Variants in GPBP1L1 observed in about 807,000 individuals in gnomAD.
GPBP1L1 encodes the protein GC-rich promoter binding protein 1 like 1, also known as vasculin-like protein 1.
GPBP1L1 carries 23 observed loss-of-function variants against 52.5 expected under a neutral mutation model. The observed-to-expected ratio is 0.44, with a 90% CI of 0.32 to 0.62. The LOEUF (loss-of-function observed/expected upper bound fraction) is 0.62. GPBP1L1 is among the 20% of genes least tolerant of loss of function. The probability of loss-of-function intolerance (pLI) is 0.06; values close to 1 mark genes in which losing one functional copy is unlikely to be tolerated. For synonymous variants in GPBP1L1, 243 were observed against 203.1 expected, an observed-to-expected ratio of 1.20 and a Z score of -1.67; for missense variants, 596 against 579.3, an observed-to-expected ratio of 1.03 and a Z score of -0.30.
intron 2 of GPBP1L1, among the ~76,000 whole-genome samples, chr1:45,685,321 A>T (rs948894280): frequency 1.1e-4 from 16 of 152,256 alleles, no homozygotes; most frequent in African/African-American, 3.9e-4. Flanking sequence ...GATAAGATTT[A>T]CACAAGAACA....
intron 12 of GPBP1L1, 38 bp from the exon 13 acceptor site, chr1:45,628,446 A>G (rs780004463): frequency 2.5e-6 from 4 of 1,602,466 alleles, no homozygotes; most frequent in Non-Finnish European, 3.4e-6. Context: ...AAAGAAAAAA[A>G]TATCAATGAC....
intron 8 of GPBP1L1, among the ~76,000 whole-genome samples, chr1:45,638,241 G>T (rs553211128): frequency 6.6e-6 from 1 of 152,130 alleles, no homozygotes; most frequent in Admixed American, 6.5e-5. Context: ...TCTTCCAACA[G>T]ACTTCCTCAT....
At chr1:45,652,306 T>G (rs534827165) in intron 6 of GPBP1L1, among the ~76,000 whole-genome samples, 20 of 152,354 alleles carry the variant, frequency 1.3e-4, no homozygotes, top group African/African-American at 4.6e-4. Context: ...AATTACAGTA[T>G]GAATTATTCA....
At chr1:45,682,327 T>TG (rs1394494426) in intron 2 of GPBP1L1, among the ~76,000 whole-genome samples, 1 of 152,176 alleles carries the variant, frequency 6.6e-6, no homozygotes, top group Non-Finnish European at 1.5e-5. Context: ...TAGCTAAACT[T>TG]AACCAAATGA....
chr1:45,636,035 A>G (rs1226266891), intron 8 of GPBP1L1, among the ~76,000 whole-genome samples: 2 of 152,174 alleles, frequency 1.3e-5, no homozygotes, highest in Admixed American at 6.5e-5. Flanking sequence ...TCACTCGTTC[A>G]TTAACTATTT....
At chr1:45,650,058 G>A (rs1189631447) in intron 6 of GPBP1L1, among the ~76,000 whole-genome samples, 2 of 152,156 alleles carry the variant, frequency 1.3e-5, no homozygotes, top group Non-Finnish European at 2.9e-5. Flanking sequence ...AGTGATAAGA[G>A]TAAACATATT....
chr1:45,650,417 T>C (rs995894969), intron 6 of GPBP1L1, among the ~76,000 whole-genome samples: 5 of 152,196 alleles, frequency 3.3e-5, no homozygotes, highest in Non-Finnish European at 5.9e-5. Context: ...GTCTATATCA[T>C]GTACTTCAAA....
intron 6 of GPBP1L1, among the ~76,000 whole-genome samples, chr1:45,644,792 C>T (rs552160851): frequency 1.2e-4 from 19 of 152,138 alleles, no homozygotes; most frequent in Non-Finnish European, 2.4e-4. Context: ...CACTGGTGCT[C>T]ATAGCCTAAA....
In GPBP1L1 at chr1:45,629,459, C is replaced by G. The variant is rs377590904; in HGVS notation, c.1272+117G>C. On this transcript the variant is annotated intron_variant, in intron 12 of 12. Transcript: ENST00000355105. ...CTACATTTCTACTAAGGTAATCCCC[C>G]CCCCCCCCACCCGATCTTTCTCTCA... 1.3e-3 allele frequency: 100 copies of G among 77,710 alleles called. 2 individuals carry two copies. Among genetic ancestry groups the G allele is most frequent in the Middle Eastern group, 0.01 (2 of 194 alleles). 4.8% of individuals were successfully genotyped at this position (77,710 alleles called of 1,614,324 possible).
chr1:45,680,165 C>T (rs536628556), intron 2 of GPBP1L1, among the ~76,000 whole-genome samples: 13 of 151,096 alleles, frequency 8.6e-5, no homozygotes, highest in African/African-American at 3.2e-4. Flanking sequence ...CTATTTGTAA[C>T]ATTTTCAAAA....
At chr1:45,633,431 C>G in intron 10 of GPBP1L1, 58 bp downstream of exon 10, 1 of 1,553,922 alleles carries the variant, frequency 6.4e-7, no homozygotes, top group South Asian at 1.1e-5. Context: ...AAGAAGAAAT[C>G]ACGTATGTAT....
intron 2 of GPBP1L1, among the ~76,000 whole-genome samples, chr1:45,668,803 T>C (rs542231762): frequency 6.6e-6 from 1 of 152,130 alleles, no homozygotes; most frequent in Non-Finnish European, 1.5e-5. Flanking sequence ...GGAGACCCTG[T>C]ATCTACAAAA....
chr1:45,673,184 T>C (rs1319131067), intron 2 of GPBP1L1, among the ~76,000 whole-genome samples: 1 of 151,956 alleles, frequency 6.6e-6, no homozygotes, highest in African/African-American at 2.4e-5. Context: ...CATGAATACA[T>C]AGGTGGGAAA....
At chr1:45,680,421 TAG>T (rs1645198483) in intron 2 of GPBP1L1, among the ~76,000 whole-genome samples, 4 of 151,992 alleles carry the variant, frequency 2.6e-5, no homozygotes, top group Admixed American at 1.3e-4. Flanking sequence ...GTATTTTTAG[TAG>T]AGACAGGGTT....
chr1:45,628,333 T>G lies in GPBP1L1; in HGVS notation c.1348A>C (p.Thr450Pro). Residue 450 changes from threonine (T) to proline (P), a missense_variant, in exon 13 of 13, where the codon ACT becomes CCT. By Grantham distance (38) the Thr-to-Pro change is conservative. Coordinates refer to ENST00000355105, the MANE Select transcript of GPBP1L1 (RefSeq NM_021639.5). ...SSSLFSPWRSTCKAEFEDSDT... is the reference protein window; with the variant it reads ...SSSLFSPWRSPCKAEFEDSDT... ...GAGTCCTCAAACTCTGCTTTGCAAG[T>G]GCTTCTCCAAGGGGAGAACAGACTG... The G allele has an allele frequency of 6.2e-7, 1 of 1,614,130 alleles. No individual in the cohort carries two copies. The highest frequency in any genetic ancestry group is 8.5e-7 in the Non-Finnish European group (1 of 1,179,982).
intron 2 of GPBP1L1, among the ~76,000 whole-genome samples, chr1:45,681,023 A>G (rs954887062): frequency 1.4e-4 from 21 of 152,184 alleles, no homozygotes; most frequent in African/African-American, 4.6e-4. Flanking sequence ...GCTCAATTTT[A>G]TAACAGAATA....
intron 2 of GPBP1L1, among the ~76,000 whole-genome samples, chr1:45,677,341 G>T: frequency 8.5e-6 from 1 of 117,544 alleles, no homozygotes; most frequent in East Asian, 2.4e-4. Context: ...TTCGTCTCAG[G>T]AAAAAAAAAA....
intron 2 of GPBP1L1, among the ~76,000 whole-genome samples, chr1:45,682,498 T>TG (rs2148524032): frequency 6.6e-6 from 1 of 152,340 alleles, no homozygotes; most frequent in African/African-American, 2.4e-5. Flanking sequence ...TTAATGACTT[T>TG]GTTAAAATCA....
chr1:45,655,430 A>AAACTCATAT, intron 4 of GPBP1L1, 111 bp from the exon 5 acceptor site: 1 of 1,229,232 alleles, frequency 8.1e-7, no homozygotes, highest in Non-Finnish European at 1.2e-6. Context: ...ATGGTGATAG[A>AAACTCATAT]AACTCATATT....
Sources: gnomAD v4.1 joint callset for allele counts (sites outside exome capture counted in the v4.1 genomes callset) on GRCh38, gnomAD v4.1.1 for gene constraint, MANE v1.5 for transcripts, NCBI Gene and HGNC (gene_info 2026-07-23, HGNC 2026-07-21) for gene names.